GRIP1: variants seen among roughly 807,000 people sequenced by gnomAD.
The protein encoded by GRIP1 is glutamate receptor-interacting protein 1.
A neutral mutation model predicts 129.9 loss-of-function variants in GRIP1; 45 were observed. The observed-to-expected ratio is 0.35, with a 90% CI of 0.27 to 0.44. The LOEUF (loss-of-function observed/expected upper bound fraction) is 0.44, where lower values mean the gene tolerates loss of function less well. Ranked by LOEUF, GRIP1 falls within the 20% of genes least tolerant of loss-of-function variation. The pLI is 1.00. For synonymous variants in GRIP1, 530 were observed against 520.8 expected (o/e 1.02, Z -0.24); for missense variants, 1,196 against 1,396.8 (o/e 0.86, Z 2.29).
At chr12:67,050,278 C>G (rs2043322027) in intron 1 of GRIP1, among the ~76,000 whole-genome samples, 1 of 151,918 alleles carries the variant, frequency 6.6e-6, no homozygotes, top group Admixed American at 6.6e-5. Context: ...CTTCTTTGCC[C>G]TAAGGGGATT....
At chr12:66,503,874 AAAGAGAAG>A in intron 7 of GRIP1, among the ~76,000 whole-genome samples, 1 of 152,328 alleles carries the variant, frequency 6.6e-6, no homozygotes, top group East Asian at 1.9e-4. Flanking sequence ...GTGAGGTTAG[AAAGAGAAG>A]ACTGTTGACC....
At chr12:67,013,901 C>A (rs552990984) in intron 1 of GRIP1, among the ~76,000 whole-genome samples, 1 of 152,172 alleles carries the variant, frequency 6.6e-6, no homozygotes, top group Non-Finnish European at 1.5e-5. Flanking sequence ...CAGGCCTTGG[C>A]GATTGGTTTA....
chr12:66,844,650 T>C (rs2039781094), intron 1 of GRIP1, among the ~76,000 whole-genome samples: 1 of 152,204 alleles, frequency 6.6e-6, no homozygotes, highest in Non-Finnish European at 1.5e-5. Context: ...GAGATATTTG[T>C]TCCCATGTTC....
intron 4 of GRIP1, among the ~76,000 whole-genome samples, chr12:66,538,226 GT>G (rs1427466369): frequency 6.7e-6 from 1 of 148,700 alleles, no homozygotes; most frequent in African/African-American, 2.5e-5. Flanking sequence ...TTTAAACAGG[GT>G]TTTGCTCTGT....
chr12:66,926,603 A>G (rs2041299783), intron 1 of GRIP1, among the ~76,000 whole-genome samples: 1 of 152,174 alleles, frequency 6.6e-6, no homozygotes, highest in Non-Finnish European at 1.5e-5. Flanking sequence ...TCCTTTCTAA[A>G]TGTGCTGTCA....
intron 1 of GRIP1, among the ~76,000 whole-genome samples, chr12:66,650,282 T>C (rs1201497072): frequency 6.6e-6 from 1 of 152,166 alleles, no homozygotes; most frequent in Non-Finnish European, 1.5e-5. Flanking sequence ...GCCACCTGTA[T>C]CTCAGGCTGC....
chr12:67,008,907 C>T (rs1271370744), intron 1 of GRIP1, among the ~76,000 whole-genome samples: 1 of 87,088 alleles, frequency 1.1e-5, no homozygotes, highest in Non-Finnish European at 2.3e-5. Context: ...AGTATCTGAT[C>T]CCTTCCTTTC....
At chr12:67,067,258 A>G (rs2043645741) in intron 1 of GRIP1, among the ~76,000 whole-genome samples, 1 of 152,144 alleles carries the variant, frequency 6.6e-6, no homozygotes, top group African/African-American at 2.4e-5. Flanking sequence ...GTTACCATAT[A>G]TTTCCAAAAG....
rs143013040 is a variant in GRIP1 at position 66,450,303 on chromosome 12, C to CAA, written c.1355-4797_1355-4796dup. On this transcript the variant is annotated intron_variant, in intron 11 of 24. Coordinates refer to ENST00000359742, the MANE Select transcript of GRIP1 (RefSeq NM_001366722.1). ...TGGGTGACAGAGTGAGACTCCATCT[C>CAA]AAAAAAAAAAAAAAAAAAAAAAAAA... 2.9e-3 allele frequency among the ~76,000 whole-genome samples: 77 copies of CAA among 26,824 alleles called. 3 individuals are homozygous for CAA. Among genetic ancestry groups the CAA allele is most frequent in the Admixed American group, 5.1e-3 (6 of 1,176 alleles). The allele number at this position is 26,824 out of a possible 152,430, so 17.6% of individuals were successfully genotyped here. A position where few individuals can be genotyped will look rare whatever the true frequency, so the allele number is the denominator to read the frequency against.
At chr12:67,015,846 C>T (rs2042778393) in intron 1 of GRIP1, among the ~76,000 whole-genome samples, 1 of 152,116 alleles carries the variant, frequency 6.6e-6, no homozygotes, top group Non-Finnish European at 1.5e-5. Flanking sequence ...GAAATATTAT[C>T]CCCACATGAG....
intron 1 of GRIP1, among the ~76,000 whole-genome samples, chr12:66,744,829 A>G (rs960962615): frequency 6.6e-6 from 1 of 152,208 alleles, no homozygotes. Flanking sequence ...ATACACAGAA[A>G]TCTTACTCAA....
chr12:66,862,450 T>C (rs2040128940), intron 1 of GRIP1, among the ~76,000 whole-genome samples: 1 of 152,030 alleles, frequency 6.6e-6, no homozygotes, highest in South Asian at 2.1e-4. Context: ...CTGGGGCACA[T>C]TAATTATGTA....
At chr12:66,832,584 CAG>C (rs1318064039) in intron 1 of GRIP1, among the ~76,000 whole-genome samples, 1 of 152,156 alleles carries the variant, frequency 6.6e-6, no homozygotes, top group African/African-American at 2.4e-5. Flanking sequence ...TGATTTACTA[CAG>C]AGTGATCCCT....
At chr12:66,837,511 G>A (rs1380416419) in intron 1 of GRIP1, among the ~76,000 whole-genome samples, 1 of 152,174 alleles carries the variant, frequency 6.6e-6, no homozygotes, top group African/African-American at 2.4e-5. Context: ...GCTCAGTGTG[G>A]TATGTGTGCA....
At chr12:66,952,462 A>G (rs564993373) in intron 1 of GRIP1, among the ~76,000 whole-genome samples, 1 of 152,238 alleles carries the variant, frequency 6.6e-6, no homozygotes, top group South Asian at 2.1e-4. Context: ...ATAAATAAAA[A>G]TCACATGCAG....
chr12:66,649,783 G>A (rs1006688524), intron 1 of GRIP1, among the ~76,000 whole-genome samples: 3 of 152,198 alleles, frequency 2.0e-5, no homozygotes, highest in African/African-American at 7.2e-5. Context: ...CGATATGTCA[G>A]GAAGAAGAAA....
At chr12:66,646,666 A>T (rs1438121820) in intron 1 of GRIP1, among the ~76,000 whole-genome samples, 1 of 152,190 alleles carries the variant, frequency 6.6e-6, no homozygotes, top group African/African-American at 2.4e-5. Flanking sequence ...GCTACGTTAA[A>T]AGATGGCAGT....
chr12:66,721,962 A>C (rs1392847257), intron 1 of GRIP1, among the ~76,000 whole-genome samples: 1 of 152,188 alleles, frequency 6.6e-6, no homozygotes, highest in Non-Finnish European at 1.5e-5. Context: ...AGAATGGAAG[A>C]GGGTTAGGGC....
rs73315112 is a variant in GRIP1, at chr12:66,399,537, C to T, written c.1985-5185G>A. ...ATTATAAACAACTTTTATATCCCAA[C>T]AGAAGGTTTACAACGATTAGTGAAA... On this transcript the variant is annotated intron_variant, in intron 16 of 24. Coordinates refer to ENST00000359742, the MANE Select transcript of GRIP1 (RefSeq NM_001366722.1). Among the ~76,000 whole-genome samples the T allele has an allele frequency of 1.7e-3, 252 of 152,066 alleles. 12 individuals carry two copies. Among genetic ancestry groups the T allele is most frequent in the African/African-American group, 5.7e-3 (237 of 41,328 alleles).
Sources: allele counts gnomAD v4.1 joint callset (sites outside exome capture counted in the v4.1 genomes callset), GRCh38; gene constraint gnomAD v4.1.1; transcripts MANE v1.5; gene names NCBI Gene and HGNC (gene_info 2026-07-23, HGNC 2026-07-21).